Variants in BCAS3 observed in about 807,000 individuals in gnomAD.
BCAS3 encodes the protein BCAS4/BCAS3 fusion.
Under a neutral mutation model 116.1 loss-of-function variants are expected in BCAS3, and 53 were observed. The ratio of observed to expected loss-of-function variants is 0.46; its 90% confidence interval spans 0.37 to 0.57. The LOEUF (loss-of-function observed/expected upper bound fraction) is 0.57, where lower values mean the gene tolerates loss of function less well. Among genes scored for constraint, BCAS3 ranks in the 20% least tolerant of loss-of-function variants. The pLI, the probability that BCAS3 is intolerant of heterozygous loss-of-function variation, is 0.00. For synonymous variants in BCAS3, 391 were observed against 408.2 expected, an observed-to-expected ratio of 0.96 and a Z score of 0.51; for missense variants, 917 against 1,165.4, an observed-to-expected ratio of 0.79 and a Z score of 3.10.
At chr17:61,334,854 A>G (rs2056596567) in intron 22 of BCAS3, among the ~76,000 whole-genome samples, 1 of 152,162 alleles carries the variant, frequency 6.6e-6, no homozygotes, top group Admixed American at 6.5e-5. Flanking sequence ...GTGCCCAGTA[A>G]ATGCTTGACC....
At chr17:61,264,408 C>CTT (rs539191667) in intron 22 of BCAS3, among the ~76,000 whole-genome samples, 38 of 133,100 alleles carry the variant, frequency 2.9e-4, no homozygotes, top group African/African-American at 8.0e-4. Flanking sequence ...ATAGGTAAGT[C>CTT]TTTTTTTTTT....
At chr17:60,734,840 G>T (rs954637152) in intron 5 of BCAS3, among the ~76,000 whole-genome samples, 4 of 152,116 alleles carry the variant, frequency 2.6e-5, no homozygotes, top group African/African-American at 7.2e-5. Context: ...CTTTAGAATT[G>T]ATTTGTTGAT....
At chr17:60,882,588 A>G (rs916811080) in intron 9 of BCAS3, among the ~76,000 whole-genome samples, 5 of 152,104 alleles carry the variant, frequency 3.3e-5, no homozygotes, top group Admixed American at 6.5e-5. Context: ...TAATGTTTAA[A>G]TCTTTAATCT....
At chr17:61,240,835 A>G (rs2047450414) in intron 22 of BCAS3, among the ~76,000 whole-genome samples, 1 of 152,242 alleles carries the variant, frequency 6.6e-6, no homozygotes, top group Non-Finnish European at 1.5e-5. Context: ...TCAGACACAC[A>G]GAAGTATATC....
chr17:60,961,972 A>G lies in BCAS3; in HGVS notation c.1221+14620A>G, dbSNP rs2061433062. Among the ~76,000 whole-genome samples the G allele has an allele frequency of 6.6e-6, 1 of 152,194 alleles. No homozygotes were observed. Among genetic ancestry groups the G allele is most frequent in the Non-Finnish European group, 1.5e-5 (1 of 68,038 alleles). ...CTGTGCCTGGTTTGTTTCTCTTAAC[A>G]TAATGGCCTCCAGTTTCAGCTATGT... On this transcript the variant is annotated intron_variant, in intron 14 of 23. Transcript: ENST00000407086. This position sits in a 1 kb window ranked among gnomAD's most constrained non-coding sequence, Gnocchi z 4.8.
intron 14 of BCAS3, among the ~76,000 whole-genome samples, chr17:60,971,617 A>G (rs2061965836): frequency 6.6e-6 from 1 of 152,204 alleles, no homozygotes; most frequent in Non-Finnish European, 1.5e-5. Flanking sequence ...CCATCAGTCA[A>G]TCAGGCCCAG....
chr17:60,899,568 G>A (rs1001230619), intron 10 of BCAS3, among the ~76,000 whole-genome samples: 4 of 152,048 alleles, frequency 2.6e-5, no homozygotes, highest in Non-Finnish European at 4.4e-5. Context: ...CGCAATCTTG[G>A]CTCACTGAAA....
rs200202604 is a variant in BCAS3 at position 60,739,399 on chromosome 17, CA to C, written c.322-7798del. Among the ~76,000 whole-genome samples the C allele has an allele frequency of 3.6e-3, 542 of 152,224 alleles. 5 individuals carry two copies. Among genetic ancestry groups the C allele is most frequent in the African/African-American group, 0.012 (506 of 41,546 alleles). On this transcript the variant is annotated intron_variant, in intron 5 of 23. Coordinates refer to ENST00000407086, the MANE Select transcript of BCAS3 (RefSeq NM_017679.5). ...CTTTGGGAGGCTGAGGCAGGTGGAT[CA>C]CCTGAGGTCAGGAGATCGAGACCAG...
At chr17:60,953,576 G>C (rs1002855874) in intron 14 of BCAS3, among the ~76,000 whole-genome samples, 1 of 151,900 alleles carries the variant, frequency 6.6e-6, no homozygotes, top group Non-Finnish European at 1.5e-5. Flanking sequence ...TTTGATTGGA[G>C]CCCATTTGTC....
chr17:61,018,945 T>C (rs910157085), intron 16 of BCAS3, among the ~76,000 whole-genome samples: 6 of 152,218 alleles, frequency 3.9e-5, no homozygotes, highest in African/African-American at 1.4e-4. Flanking sequence ...TGTTCCTTTT[T>C]TCCCTCACCA....
Position 61,028,994 on chromosome 17 carries a change from T to A in BCAS3, c.1638-5672T>A, listed in dbSNP as rs2066450276. The stretch of plus-strand genomic sequence containing the variant: ...ATTTTGTTTATAAGAGCTCCTTTGT[T>A]TTAATAGTTTTTGCTATTTTTCCAT... On this transcript the variant is annotated intron_variant, in intron 16 of 23. Transcript: ENST00000407086. The surrounding 1 kb of genome is among the most constrained non-coding windows in gnomAD (Gnocchi z 4.3). Among the ~76,000 whole-genome samples the A allele has an allele frequency of 6.6e-6, 1 of 151,940 alleles. No homozygotes were observed. Among genetic ancestry groups the A allele is most frequent in the Admixed American group, 6.6e-5 (1 of 15,234 alleles).
At chr17:60,907,469 A>G (rs888576767) in intron 11 of BCAS3, among the ~76,000 whole-genome samples, 5 of 152,234 alleles carry the variant, frequency 3.3e-5, no homozygotes, top group African/African-American at 1.2e-4. Flanking sequence ...AGGGAGGCCA[A>G]CTGATATGGC....
chr17:61,193,821 A>T (rs1369869983), intron 22 of BCAS3, among the ~76,000 whole-genome samples: 1 of 151,048 alleles, frequency 6.6e-6, no homozygotes, highest in Non-Finnish European at 1.5e-5. Context: ...TATTCTGCTT[A>T]TAAAAAAAGT....
intron 22 of BCAS3, among the ~76,000 whole-genome samples, chr17:61,257,313 C>G (rs1254056614): frequency 6.7e-6 from 1 of 149,664 alleles, no homozygotes; most frequent in Non-Finnish European, 1.5e-5. Flanking sequence ...CCCAGCTACG[C>G]AGGAGGCTAA....
rs1399493301 is a variant in BCAS3, at chr17:61,220,149, CCAGGCGTGGTGG to C, written c.2425+135592_2425+135603del. Reference sequence around the variant, plus strand: ...TCTCTACTAATAATACAAAAATTAGCCAGGCGTGGTGGCAGGCGCCTCTAATCCCAGCTACTC... The same window carrying C: ...TCTCTACTAATAATACAAAAATTAGCCAGGCGCCTCTAATCCCAGCTACTC... On this transcript the variant is annotated intron_variant, in intron 22 of 23. Transcript: ENST00000407086. The surrounding 1 kb of genome is among the most constrained non-coding windows in gnomAD (Gnocchi z 4.5). Among the ~76,000 whole-genome samples, 1 of 152,078 alleles carries C rather than the reference CCAGGCGTGGTGG, an allele frequency of 6.6e-6. No homozygotes were observed. Among genetic ancestry groups the C allele is most frequent in the East Asian group, 1.9e-4 (1 of 5,186 alleles).
At position 61,144,506 on chromosome 17, in the gene BCAS3, CA is replaced by C. The variant is rs1411268975; in HGVS notation, c.2425+59943del. Among the ~76,000 whole-genome samples, 6 of 152,198 alleles carry C rather than the reference CA, an allele frequency of 3.9e-5. No individual in the cohort carries two copies. Among genetic ancestry groups the C allele is most frequent in the Non-Finnish European group, 1.5e-5 (1 of 68,026 alleles). On this transcript the variant is annotated intron_variant, in intron 22 of 23. Coordinates refer to ENST00000407086, the MANE Select transcript of BCAS3 (RefSeq NM_017679.5). This position sits in a 1 kb window ranked among gnomAD's most constrained non-coding sequence, Gnocchi z 5.0. ...GCAAAAGTGTTAGACATCCAGTAAG[CA>C]GCCCTTTTTAGGCCTAAAATGTTGA...
intron 7 of BCAS3, among the ~76,000 whole-genome samples, chr17:60,860,119 T>C (rs769318231): frequency 1.3e-5 from 2 of 152,196 alleles, no homozygotes; most frequent in African/African-American, 4.8e-5. Flanking sequence ...CCACCAGCAG[T>C]GTATAAGCAT....
intron 22 of BCAS3, among the ~76,000 whole-genome samples, chr17:61,115,452 A>G (rs1173647733): frequency 6.9e-6 from 1 of 145,252 alleles, no homozygotes; most frequent in African/African-American, 2.5e-5. Context: ...ACACTTCTCA[A>G]AAGAAGACAT....
rs914771726 is a variant in BCAS3 at position 61,136,195 on chromosome 17, C to A, written c.2425+51631C>A. ...CTCTTCCCTCTACATAAAATCATTT[C>A]TTTCCATCCTGAGTACCCATGGCAA... On this transcript the variant is annotated intron_variant, in intron 22 of 23. Coordinates refer to ENST00000407086, the MANE Select transcript of BCAS3 (RefSeq NM_017679.5). The surrounding 1 kb of genome is among the most constrained non-coding windows in gnomAD (Gnocchi z 4.4). 1.3e-5 allele frequency among the ~76,000 whole-genome samples: 2 copies of A among 152,200 alleles called. No homozygotes were observed. The highest frequency in any genetic ancestry group is 2.9e-5 in the Non-Finnish European group (2 of 68,042).
Sources: allele counts gnomAD v4.1 joint callset (sites outside exome capture counted in the v4.1 genomes callset), GRCh38; gene constraint gnomAD v4.1.1; non-coding constraint Gnocchi (gnomAD v3.1); transcripts MANE v1.5; gene names NCBI Gene and HGNC (gene_info 2026-07-23, HGNC 2026-07-21).